Variants in NFASC observed in about 807,000 individuals in gnomAD.
The protein encoded by NFASC is neurofascin.
NFASC carries 43 observed loss-of-function variants against 147.5 expected under a neutral mutation model. The ratio of observed to expected loss-of-function variants is 0.29; its 90% CI spans 0.23 to 0.38. The LOEUF is 0.38. NFASC is among the 10% of genes least tolerant of loss of function. The pLI is 1.00. For synonymous variants in NFASC, 622 were observed against 665.5 expected, an observed-to-expected ratio of 0.93 and a Z score of 1.01; for missense variants, 1,320 against 1,689.0, an observed-to-expected ratio of 0.78 and a Z score of 3.83.
At position 205,016,614 on chromosome 1, in the gene NFASC, C is replaced by A. The variant is rs191218109; in HGVS notation, c.*75C>A. 18 of 1,066,300 alleles carry A rather than the reference C, an allele frequency of 1.7e-5. No homozygotes were observed. The highest frequency in any genetic ancestry group is 2.9e-6 in the Non-Finnish European group (2 of 693,580). The allele number at this position is 1,066,300 out of a possible 1,614,324, so 66.1% of individuals were successfully genotyped here. Reference sequence around the variant, plus strand: ...AAGGGGAGACAAAACCACTGCAGACCTACCACGAAGCCACCACCACCTTCA... The same window carrying A: ...AAGGGGAGACAAAACCACTGCAGACATACCACGAAGCCACCACCACCTTCA... On this transcript the variant is annotated 3_prime_UTR_variant, in exon 30 of 30. Transcript: ENST00000339876. The surrounding 1 kb of genome is among the most constrained non-coding windows in gnomAD (Gnocchi z 5.1).
rs373557834 is a variant in NFASC, at chr1:204,968,015, C to T, written c.707-234C>T. 2 of 463,496 alleles carry T rather than the reference C, an allele frequency of 4.3e-6. No homozygotes were observed. Among genetic ancestry groups the T allele is most frequent in the East Asian group, 7.9e-5 (2 of 25,300 alleles). The allele number at this position is 463,496 out of a possible 1,614,324, so 28.7% of individuals were successfully genotyped here. On this transcript the variant is annotated intron_variant, in intron 8 of 29. Coordinates refer to ENST00000339876, the MANE Select transcript of NFASC (RefSeq NM_001005388.3). The surrounding 1 kb of genome is among the most constrained non-coding windows in gnomAD (Gnocchi z 5.4). ...CCTGAACCTGAGGGAAGCTGGGCTC[C>T]TCCAGGCAGATCCTTTCAGAACCTA... is the stretch of plus-strand genomic sequence containing the variant.
At chr1:204,931,073 TAAG>T (rs1456622999) in intron 2 of NFASC, among the ~76,000 whole-genome samples, 1 of 151,876 alleles carries the variant, frequency 6.6e-6, no homozygotes, top group Non-Finnish European at 1.5e-5. Context: ...CCTTATTCTT[TAAG>T]AAGAAGAAAA....
Position 205,016,757 on chromosome 1 carries a change from G to A in NFASC, c.*218G>A. 1 of 619,732 alleles carries A rather than the reference G, an allele frequency of 1.6e-6. No homozygotes were observed. The highest frequency in any genetic ancestry group is 3.0e-6 in the Non-Finnish European group (1 of 337,138). 38.4% of individuals were successfully genotyped at this position (619,732 alleles called of 1,614,324 possible). On this transcript the variant is annotated 3_prime_UTR_variant, in exon 30 of 30. Transcript: ENST00000339876. The surrounding 1 kb of genome is among the most constrained non-coding windows in gnomAD (Gnocchi z 5.1). ...CCCCGGGTGCCACCAGTGTGGGAGA[G>A]CTGGAGCCGTGGCTGAGCTCAGCTG...
chr1:204,886,565 G>A (rs940110849), intron 1 of NFASC, among the ~76,000 whole-genome samples: 1 of 152,184 alleles, frequency 6.6e-6, no homozygotes, highest in South Asian at 2.1e-4. Flanking sequence ...CCTGATTCGG[G>A]AAGTCTGGGA....
chr1:204,955,630 C>T (rs1378671120), intron 7 of NFASC, among the ~76,000 whole-genome samples: 1 of 151,952 alleles, frequency 6.6e-6, no homozygotes, highest in East Asian at 1.9e-4. Context: ...CAGTTTCTTC[C>T]CATGTTTTCA....
chr1:204,974,354 C>T, intron 13 of NFASC, 64 bp downstream of exon 13: 1 of 1,297,472 alleles, frequency 7.7e-7, no homozygotes. Context: ...TCCTTCCCAT[C>T]TGGCCCATAG....
rs1488152667 is a variant in NFASC at position 204,987,340 on chromosome 1, G to T, written c.2471-78G>T. The T allele has an allele frequency of 1.3e-5, 18 of 1,400,154 alleles. No homozygotes were observed. In the Middle Eastern group the frequency reaches 5.4e-4, roughly 42 times the overall value. 86.7% of individuals were successfully genotyped at this position (1,400,154 alleles called of 1,614,324 possible). On this transcript the variant is annotated intron_variant, in intron 21 of 29. Transcript: ENST00000339876. The surrounding 1 kb of genome is among the most constrained non-coding windows in gnomAD (Gnocchi z 4.4). ...TCCAGAGGTCAATGCCTTCATACTT[G>T]TGCTTTGTTTTTTGTGTTTTCCTCA...
chr1:204,932,439 CT>C (rs890240683), intron 2 of NFASC, among the ~76,000 whole-genome samples: 2 of 152,004 alleles, frequency 1.3e-5, no homozygotes, highest in African/African-American at 2.4e-5. Flanking sequence ...ATGCTGGCCA[CT>C]CGGCACACAG....
chr1:204,895,014 T>C (rs1334746056), intron 1 of NFASC, among the ~76,000 whole-genome samples: 1 of 152,210 alleles, frequency 6.6e-6, no homozygotes, highest in Admixed American at 6.5e-5. Flanking sequence ...ACTTAATCTT[T>C]ATTCTTTGAA....
chr1:204,976,944 G>T, intron 16 of NFASC, 149 bp downstream of exon 16: 1 of 1,412,862 alleles, frequency 7.1e-7, no homozygotes, highest in Middle Eastern at 1.8e-4. Context: ...CGTGATGTCA[G>T]GGTTAGGGAG....
intron 25 of NFASC, 60 bp downstream of exon 25, chr1:204,997,466 G>A: frequency 6.5e-7 from 1 of 1,543,516 alleles, no homozygotes; most frequent in Non-Finnish European, 8.8e-7. Context: ...GCGGCCTCCA[G>A]ACGAACCCAC....
At chr1:204,958,657 G>A (rs1265878498) in intron 8 of NFASC, among the ~76,000 whole-genome samples, 1 of 152,118 alleles carries the variant, frequency 6.6e-6, no homozygotes, top group African/African-American at 2.4e-5. Context: ...CCATAAAGGA[G>A]CCCCCCAAAA....
intron 7 of NFASC, among the ~76,000 whole-genome samples, chr1:204,957,438 C>CCTCT (rs2094481230): frequency 6.6e-6 from 1 of 152,210 alleles, no homozygotes; most frequent in Non-Finnish European, 1.5e-5. Context: ...ATCCTGCTCT[C>CCTCT]CTCTCTGCCT....
intron 23 of NFASC, chr1:204,989,268 A>T (rs2095671737): frequency 1.1e-5 from 2 of 177,646 alleles, no homozygotes; most frequent in Admixed American, 5.7e-5. Flanking sequence ...AACCGTCAGG[A>T]TGACGCTGTT....
At chr1:204,892,107 G>A (rs1289193023) in intron 1 of NFASC, among the ~76,000 whole-genome samples, 1 of 152,188 alleles carries the variant, frequency 6.6e-6, no homozygotes, top group Non-Finnish European at 1.5e-5. Flanking sequence ...TCACAGGAAG[G>A]TGGCTCAGAG....
chr1:204,958,890 T>C (rs186962234), intron 8 of NFASC, among the ~76,000 whole-genome samples: 21 of 152,220 alleles, frequency 1.4e-4, no homozygotes, highest in African/African-American at 5.1e-4. Flanking sequence ...TCACTTCTCA[T>C]TCAGGACAGG....
intron 27 of NFASC, among the ~76,000 whole-genome samples, chr1:205,004,694 T>C (rs1220182053): frequency 6.6e-6 from 1 of 152,212 alleles, no homozygotes. Flanking sequence ...AATCCACAGA[T>C]CTCTGTGTTT....
intron 1 of NFASC, among the ~76,000 whole-genome samples, chr1:204,858,131 G>A (rs980308768): frequency 2.0e-5 from 3 of 151,820 alleles, no homozygotes; most frequent in African/African-American, 7.3e-5. Flanking sequence ...TGCTGGCCAG[G>A]CTGGTTTTGA....
intron 2 of NFASC, among the ~76,000 whole-genome samples, chr1:204,939,972 G>A (rs1558174323): frequency 6.6e-6 from 1 of 152,184 alleles, no homozygotes; most frequent in Non-Finnish European, 1.5e-5. Context: ...AGAATGGATG[G>A]CAGGGGTTGC....
Sources: gnomAD v4.1 joint callset for allele counts (sites outside exome capture counted in the v4.1 genomes callset) on GRCh38, gnomAD v4.1.1 for gene constraint, Gnocchi (gnomAD v3.1) non-coding constraint, MANE v1.5 for transcripts, NCBI Gene and HGNC (gene_info 2026-07-23, HGNC 2026-07-21) for gene names.